The following RANBP2 variants were observed in gnomAD, a reference collection of about 807,000 sequenced individuals.
RANBP2 encodes E3 SUMO-protein ligase RanBP2.
A neutral mutation model predicts 303.6 loss-of-function variants in RANBP2; 57 were observed. That is an observed-to-expected ratio of 0.19 (90% CI 0.15 to 0.23). The LOEUF (loss-of-function observed/expected upper bound fraction) is 0.23. Ranked by LOEUF, RANBP2 falls within the 10% of genes least tolerant of loss-of-function variation. The probability of loss-of-function intolerance (pLI) is 1.00; values close to 1 mark genes in which losing one functional copy is unlikely to be tolerated. For missense variants in RANBP2, 3,138 were observed against 3,780.8 expected (o/e 0.83, Z 4.46); for synonymous variants, 1,167 against 1,301.5 (o/e 0.90, Z 2.23).
At chr2:109,368,720 AAAAG>A in the RANBP2 span, among the ~76,000 whole-genome samples, 78 of 149,870 alleles carry the variant, frequency 5.2e-4, 1 homozygote, top group African/African-American at 1.8e-3. Context: ...AAAAAAAAAA[AAAAG>A]AAAAAGAAAA....
chr2:109,324,831 G>A, the RANBP2 span, among the ~76,000 whole-genome samples: 9 of 152,278 alleles, frequency 5.9e-5, no homozygotes, highest in Non-Finnish European at 8.8e-5. Flanking sequence ...AGTACTCTCC[G>A]TCCCTCTCCT....
the RANBP2 span, among the ~76,000 whole-genome samples, chr2:109,414,139 C>T: frequency 6.7e-3 from 1,026 of 152,330 alleles, 10 homozygotes; most frequent in African/African-American, 0.023. Context: ...GGTGGTGTCC[C>T]GCAGATGGGG....
chr2:109,047,765 C>T, the RANBP2 span, among the ~76,000 whole-genome samples: 58 of 152,340 alleles, frequency 3.8e-4, no homozygotes, highest in Non-Finnish European at 6.6e-4. Flanking sequence ...GCTGAGATTG[C>T]GCCATTGCGC....
chr2:109,129,843 G>T, the RANBP2 span: 1 of 1,531,942 alleles, frequency 6.5e-7, no homozygotes. Flanking sequence ...GCATCCTGGT[G>T]GGCTGCGGCG....
At chr2:109,669,556 C>T in the RANBP2 span, among the ~76,000 whole-genome samples, 13 of 152,212 alleles carry the variant, frequency 8.5e-5, no homozygotes, top group African/African-American at 2.9e-4. Context: ...AGAGAAGACA[C>T]ATGGAACTAC....
At chr2:108,743,570 C>T (rs1242689850) in intron 7 of RANBP2, among the ~76,000 whole-genome samples, 2 of 152,228 alleles carry the variant, frequency 1.3e-5, no homozygotes, top group South Asian at 2.1e-4. Context: ...TGAGCCACCA[C>T]ACCTGACTGT....
chr2:109,384,249 C>T, the RANBP2 span, among the ~76,000 whole-genome samples: 1 of 151,848 alleles, frequency 6.6e-6, no homozygotes, highest in East Asian at 1.9e-4. Context: ...ACCCTGGAGA[C>T]CACATCTGCC....
the RANBP2 span, among the ~76,000 whole-genome samples, chr2:109,344,681 G>T: frequency 6.6e-6 from 1 of 152,204 alleles, no homozygotes; most frequent in Non-Finnish European, 1.5e-5. Flanking sequence ...GAGTGGGAGG[G>T]TGCACAGCCC....
chr2:109,168,380 A>G, the RANBP2 span, among the ~76,000 whole-genome samples: 23 of 152,330 alleles, frequency 1.5e-4, no homozygotes, highest in South Asian at 8.3e-4. Flanking sequence ...AGTGAGATGA[A>G]TGGAAAAATA....
the RANBP2 span, among the ~76,000 whole-genome samples, chr2:109,031,734 C>G: frequency 3.3e-5 from 5 of 152,282 alleles, no homozygotes; most frequent in Non-Finnish European, 5.9e-5. Context: ...CTGCGGGCGC[C>G]GGCGAGACCT....
chr2:109,300,382 G>A, the RANBP2 span, among the ~76,000 whole-genome samples: 2 of 152,046 alleles, frequency 1.3e-5, no homozygotes, highest in African/African-American at 4.8e-5. Flanking sequence ...GTTTCACCAC[G>A]TTGGTCAGGC....
At chr2:109,292,226 T>C in the RANBP2 span, among the ~76,000 whole-genome samples, 3 of 152,198 alleles carry the variant, frequency 2.0e-5, no homozygotes, top group Non-Finnish European at 4.4e-5. Flanking sequence ...CTACAGAAAA[T>C]TTGTAATGTA....
At chr2:108,738,622 T>C (rs1447631154) in intron 6 of RANBP2, among the ~76,000 whole-genome samples, 1 of 150,814 alleles carries the variant, frequency 6.6e-6, no homozygotes, top group Admixed American at 6.6e-5. Context: ...GTGTTAATAA[T>C]AATAGCTTTT....
chr2:108,722,250 T>TA (rs1330598371), intron 1 of RANBP2, among the ~76,000 whole-genome samples: 1 of 152,146 alleles, frequency 6.6e-6, no homozygotes, highest in Non-Finnish European at 1.5e-5. Flanking sequence ...CTCTTACACT[T>TA]AGAGTCTTTT....
chr2:109,688,781 T>TAA, the RANBP2 span, among the ~76,000 whole-genome samples: 6,003 of 43,762 alleles, frequency 0.14, 698 homozygotes, highest in African/African-American at 0.18. Context: ...TCTGTCTCAA[T>TAA]AAAAAAAAAA....
chr2:109,010,340 C>T, the RANBP2 span, among the ~76,000 whole-genome samples: 3 of 133,662 alleles, frequency 2.2e-5, no homozygotes, highest in African/African-American at 5.5e-5. Context: ...CAGCCTTCAA[C>T]ACCCACACAC....
the RANBP2 span, among the ~76,000 whole-genome samples, chr2:109,672,269 C>G: frequency 3.7e-4 from 57 of 152,212 alleles, no homozygotes; most frequent in Admixed American, 6.5e-4. Flanking sequence ...TGGTAGCAAA[C>G]AGCCATTTCA....
the RANBP2 span, among the ~76,000 whole-genome samples, chr2:109,446,120 G>C: frequency 6.6e-6 from 1 of 152,024 alleles, no homozygotes; most frequent in Non-Finnish European, 1.5e-5. Context: ...GGGGCACCCG[G>C]GGTGGGTGAA....
chr2:109,195,445 A>C, the RANBP2 span, among the ~76,000 whole-genome samples: 24 of 152,344 alleles, frequency 1.6e-4, no homozygotes, highest in Non-Finnish European at 1.2e-4. Context: ...CTGAGTGTCA[A>C]CTGTCGAGTG....
Sources: gnomAD v4.1 joint callset for allele counts (sites outside exome capture counted in the v4.1 genomes callset) on GRCh38, gnomAD v4.1.1 for gene constraint, MANE v1.5 for transcripts, NCBI Gene and HGNC (gene_info 2026-07-23, HGNC 2026-07-21) for gene names.